TUSC3: variants seen among roughly 807,000 people sequenced by gnomAD.
The protein encoded by TUSC3 is dolichyl-diphosphooligosaccharide--protein glycosyltransferase subunit TUSC3.
In TUSC3, 45 loss-of-function variants were observed where a neutral mutation model predicts 44.8. The observed-to-expected ratio is 1.00, with a 90% CI of 0.79 to 1.29. The LOEUF (loss-of-function observed/expected upper bound fraction) is 1.29, where lower values mean the gene tolerates loss of function less well. Ranked by LOEUF, TUSC3 falls within the 50% of genes most tolerant of loss-of-function variation. The probability of loss-of-function intolerance (pLI) is 0.00; values close to 1 mark genes in which losing one functional copy is unlikely to be tolerated. For missense variants in TUSC3, 519 were observed against 437.9 expected, an observed-to-expected ratio of 1.19 and a Z score of -1.65; for synonymous variants, 212 against 152.9, an observed-to-expected ratio of 1.39 and a Z score of -2.85.
intron 6 of TUSC3, among the ~76,000 whole-genome samples, chr8:15,722,411 T>G (rs1203813661): frequency 6.6e-6 from 1 of 152,056 alleles, no homozygotes; most frequent in African/African-American, 2.4e-5. Context: ...GGGGTCACAG[T>G]TAACCAAAAA....
In TUSC3 at chr8:15,683,953, GCT is replaced by G. The variant is rs576349287; in HGVS notation, c.798+10120_798+10121del. On this transcript the variant is annotated intron_variant, in intron 6 of 10. Transcript: ENST00000503731. ...TAGGTTCCTGTGGTGGGTTTCACAG[GCT>G]CTGAGTGCTGAAGCAATGTGGTTTT... Among the ~76,000 whole-genome samples, 653 of 152,236 alleles carry G rather than the reference GCT, an allele frequency of 4.3e-3. 15 individuals carry two copies. Among genetic ancestry groups the G allele is most frequent in the Non-Finnish European group, 9.6e-4 (65 of 68,022 alleles).
intron 4 of TUSC3, among the ~76,000 whole-genome samples, chr8:15,661,926 A>G (rs1807443723): frequency 6.6e-6 from 1 of 152,016 alleles, no homozygotes; most frequent in Non-Finnish European, 1.5e-5. Flanking sequence ...GCACATGAAA[A>G]GATGCTCAGC....
At position 15,540,683 on chromosome 8, in the gene TUSC3, C is replaced by T. The variant is rs949452609; in HGVS notation, c.138+115C>T. On this transcript the variant is annotated intron_variant, in intron 1 of 10. Coordinates refer to ENST00000503731, the MANE Select transcript of TUSC3 (RefSeq NM_006765.4). The stretch of plus-strand genomic sequence containing the variant: ...GCCTGGTCGCCGGCGTGGGCGATGC[C>T]GGCGCTGGGGCGGGAGCCGCGAGGG... The T allele has an allele frequency of 8.8e-6, 12 of 1,358,988 alleles. No individual in the cohort carries two copies. In the South Asian group the frequency reaches 1.3e-4, roughly 15 times the overall value. 84.2% of individuals were successfully genotyped at this position (1,358,988 alleles called of 1,614,324 possible).
At chr8:15,686,866 A>C (rs186199500) in intron 6 of TUSC3, among the ~76,000 whole-genome samples, 1 of 152,044 alleles carries the variant, frequency 6.6e-6, no homozygotes, top group African/African-American at 2.4e-5. Flanking sequence ...CAGGAGATCG[A>C]GACCATCCTG....
At chr8:15,807,496 T>C in the TUSC3 span, among the ~76,000 whole-genome samples, 1 of 152,098 alleles carries the variant, frequency 6.6e-6, no homozygotes, top group Non-Finnish European at 1.5e-5. Context: ...GAACTACCGT[T>C]CGACCCAGAA....
chr8:15,507,569 A>T (rs1407020083), intron 2 of TUSC3, among the ~76,000 whole-genome samples: 1 of 152,166 alleles, frequency 6.6e-6, no homozygotes, highest in Non-Finnish European at 1.5e-5. Flanking sequence ...CAATTTTTAA[A>T]TGTTAATTAA....
At chr8:15,758,928 C>T (rs947846594) in intron 10 of TUSC3, among the ~76,000 whole-genome samples, 3 of 152,048 alleles carry the variant, frequency 2.0e-5, no homozygotes, top group Non-Finnish European at 4.4e-5. Flanking sequence ...TTCTTTAGGC[C>T]TTTTTAGAAG....
chr8:15,591,104 T>C (rs887204175), intron 1 of TUSC3, among the ~76,000 whole-genome samples: 1 of 152,218 alleles, frequency 6.6e-6, no homozygotes, highest in Non-Finnish European at 1.5e-5. Context: ...TAGTTGTTTT[T>C]ATTTTTGGCA....
intron 1 of TUSC3, among the ~76,000 whole-genome samples, chr8:15,611,369 A>G (rs1372206697): frequency 6.6e-6 from 1 of 152,140 alleles, no homozygotes; most frequent in Non-Finnish European, 1.5e-5. Context: ...TATTTTTAGT[A>G]GAGATGAGGA....
chr8:15,722,138 C>A (rs1277365156), intron 6 of TUSC3, among the ~76,000 whole-genome samples: 1 of 151,922 alleles, frequency 6.6e-6, no homozygotes, highest in Non-Finnish European at 1.5e-5. Context: ...GTTTTCCATA[C>A]CTGCAGTCTA....
At chr8:15,553,639 T>C (rs1203019664) in intron 1 of TUSC3, among the ~76,000 whole-genome samples, 1 of 151,630 alleles carries the variant, frequency 6.6e-6, no homozygotes, top group African/African-American at 2.4e-5. Flanking sequence ...AACGGCTTCA[T>C]TGCAGTGTTA....
the TUSC3 span, among the ~76,000 whole-genome samples, chr8:15,830,773 G>T: frequency 1.3e-5 from 2 of 152,286 alleles, no homozygotes; most frequent in African/African-American, 4.8e-5. Context: ...GAAGGTGGAA[G>T]GGGGATCAGG....
intron 1 of TUSC3, among the ~76,000 whole-genome samples, chr8:15,450,154 T>A (rs1800174800): frequency 6.6e-6 from 1 of 152,204 alleles, no homozygotes; most frequent in African/African-American, 2.4e-5. Context: ...TGTGAGAGGC[T>A]TTACTACTAA....
Position 15,659,620 on chromosome 8 carries a change from G to C in TUSC3, c.540G>C (p.Lys180Asn). Reference protein sequence around the residue: ...RIGFAAEQLAKWIADRTDVHI... With the variant: ...RIGFAAEQLANWIADRTDVHI... ...GATTTGCAGCTGAGCAACTAGCAAAGTGGATTGCTGACAGAACGGATGTTC... is the reference window on the plus strand; with the variant it reads ...GATTTGCAGCTGAGCAACTAGCAAACTGGATTGCTGACAGAACGGATGTTC... Residue 180 changes from lysine (K) to asparagine (N), a missense_variant, in exon 4 of 11, where the codon AAG becomes AAC. Coordinates refer to ENST00000503731, the MANE Select transcript of TUSC3 (RefSeq NM_006765.4). 1.9e-6 allele frequency: 3 copies of C among 1,613,270 alleles called. No homozygotes were observed. Among genetic ancestry groups the C allele is most frequent in the Non-Finnish European group, 2.5e-6 (3 of 1,179,654 alleles).
At chr8:15,466,788 G>T (rs919804704) in intron 1 of TUSC3, among the ~76,000 whole-genome samples, 2 of 151,952 alleles carry the variant, frequency 1.3e-5, no homozygotes, top group East Asian at 1.9e-4. Flanking sequence ...TTCTTTTTCT[G>T]ATTTTCCTCC....
At chr8:15,603,539 G>T (rs932148454) in intron 1 of TUSC3, among the ~76,000 whole-genome samples, 2 of 151,496 alleles carry the variant, frequency 1.3e-5, no homozygotes, top group African/African-American at 4.8e-5. Flanking sequence ...AATTTTTTAA[G>T]TACAATATAT....
the TUSC3 span, among the ~76,000 whole-genome samples, chr8:15,776,446 T>C: frequency 2.0e-5 from 3 of 152,258 alleles, no homozygotes; most frequent in Non-Finnish European, 4.4e-5. Context: ...TTTACAGTAC[T>C]TGACATGTCA....
At position 15,757,806 on chromosome 8, in the gene TUSC3, G is replaced by C; in HGVS notation, c.1044G>C (p.Glu348Asp). 7.0e-7 allele frequency: 1 copy of C among 1,423,126 alleles called. No individual in the cohort carries two copies. The highest frequency in any genetic ancestry group is 9.9e-7 in the Non-Finnish European group (1 of 1,005,970). The allele number at this position is 1,423,126 out of a possible 1,614,324, so 88.2% of individuals were successfully genotyped here. The change falls in exon 10 of 11, where the codon GAG becomes GAC. Residue 348 changes from glutamate to aspartate, a missense_variant. Glu to Asp is a conservative substitution (Grantham distance 45). Transcript: ENST00000503731. The stretch of plus-strand genomic sequence containing the variant: ...TATTGGAAAGTGATCTGGACTTTGA[G>C]TGAGAAGATGTGATTTGGACCATGG... The part of the protein sequence containing the change: ...HGYPYSDLDF[E>D]
chr8:15,536,961 A>T (rs938136919), upstream of TUSC3, among the ~76,000 whole-genome samples: 1 of 152,228 alleles, frequency 6.6e-6, no homozygotes, highest in South Asian at 2.1e-4. Flanking sequence ...AGGAAAAAAA[A>T]ATATATCCTT....
Sources: gnomAD v4.1 joint callset for allele counts (sites outside exome capture counted in the v4.1 genomes callset) on GRCh38, gnomAD v4.1.1 for gene constraint, MANE v1.5 for transcripts, NCBI Gene and HGNC (gene_info 2026-07-23, HGNC 2026-07-21) for gene names.